RANBP2: variants seen among roughly 807,000 people sequenced by gnomAD.
RANBP2 encodes the protein RAN binding protein 2, also known as E3 SUMO-protein ligase RanBP2.
RANBP2 carries 57 observed loss-of-function variants against 303.6 expected under a neutral mutation model. That is an observed-to-expected ratio of 0.19 (90% CI 0.15 to 0.23). The LOEUF is 0.23. Among genes scored for constraint, RANBP2 ranks in the 10% least tolerant of loss-of-function variants. RANBP2 has a pLI of 1.00. For missense variants in RANBP2, 3,138 were observed against 3,780.8 expected (o/e 0.83, Z 4.46); for synonymous variants, 1,167 against 1,301.5 (o/e 0.90, Z 2.23).
At chr2:109,467,574 A>T in the RANBP2 span, among the ~76,000 whole-genome samples, 1 of 152,190 alleles carries the variant, frequency 6.6e-6, no homozygotes, top group African/African-American at 2.4e-5. Context: ...CTGCAGGGGG[A>T]TCTGCTAAGT....
At chr2:109,615,717 G>A in the RANBP2 span, 1 of 1,613,688 alleles carries the variant, frequency 6.2e-7, no homozygotes, top group Non-Finnish European at 8.5e-7. Context: ...GGGTAGCGGC[G>A]GCGGGCGCTG....
At chr2:109,129,572 C>A in the RANBP2 span, 1 of 1,487,064 alleles carries the variant, frequency 6.7e-7, no homozygotes, top group Non-Finnish European at 8.9e-7. Context: ...CTGTGCGCAT[C>A]CAAGGCGGCC....
chr2:108,727,127 C>A lies in RANBP2; in HGVS notation c.73-2005C>A, dbSNP rs976931507. ...ACAAAACCGCCATTGTCATCATGGCCCGTTCTCAATGAGCTGTTGAGTACA... is the reference window on the plus strand; with the variant it reads ...ACAAAACCGCCATTGTCATCATGGCACGTTCTCAATGAGCTGTTGAGTACA... On this transcript the variant is annotated intron_variant, in intron 1 of 28. Transcript: ENST00000283195. Among the ~76,000 whole-genome samples the A allele has an allele frequency of 7.9e-5, 12 of 152,160 alleles. No homozygotes were observed. The South Asian group carries it at 8.3e-4, about 10-fold the overall frequency.
At chr2:109,039,294 C>T in the RANBP2 span, among the ~76,000 whole-genome samples, 3 of 152,346 alleles carry the variant, frequency 2.0e-5, no homozygotes, top group East Asian at 1.9e-4. Context: ...AAATCTCTCT[C>T]TTACACACAT....
At chr2:109,566,816 G>A in the RANBP2 span, among the ~76,000 whole-genome samples, 3 of 152,148 alleles carry the variant, frequency 2.0e-5, no homozygotes, top group Admixed American at 1.3e-4. Flanking sequence ...GAGTAGACTG[G>A]TCTGTCTGAA....
the RANBP2 span, among the ~76,000 whole-genome samples, chr2:109,597,460 G>C: frequency 3.3e-5 from 5 of 152,312 alleles, no homozygotes; most frequent in African/African-American, 9.6e-5. Flanking sequence ...AGTAAGACAT[G>C]GTCCTGGACC....
At chr2:109,437,137 A>C in the RANBP2 span, 1 of 1,610,268 alleles carries the variant, frequency 6.2e-7, no homozygotes, top group South Asian at 1.1e-5. Flanking sequence ...CCGGAGCACC[A>C]TTTCAACAGG....
the RANBP2 span, among the ~76,000 whole-genome samples, chr2:109,471,206 CAAAAAAAA>C: frequency 4.7e-4 from 19 of 40,162 alleles, no homozygotes; most frequent in African/African-American, 8.8e-4. Flanking sequence ...GACTCTGTCT[CAAAAAAAA>C]AAAAAAAAAA....
At chr2:109,202,313 T>C in the RANBP2 span, among the ~76,000 whole-genome samples, 24 of 152,098 alleles carry the variant, frequency 1.6e-4, no homozygotes, top group Non-Finnish European at 3.1e-4. Flanking sequence ...AGGGGAGCGA[T>C]GGATAATGAA....
At chr2:108,876,094 TAAG>T in the RANBP2 span, 16 of 1,585,024 alleles carry the variant, frequency 1.0e-5, no homozygotes, top group Non-Finnish European at 1.3e-5. Context: ...ACAGGAGTAA[TAAG>T]AAGCTCTTTG....
At chr2:108,923,718 G>A in the RANBP2 span, among the ~76,000 whole-genome samples, 1 of 152,216 alleles carries the variant, frequency 6.6e-6, no homozygotes, top group African/African-American at 2.4e-5. Flanking sequence ...CTCTCTGGTG[G>A]CTGTGTTTAG....
the RANBP2 span, among the ~76,000 whole-genome samples, chr2:109,022,354 T>TA: frequency 6.6e-6 from 1 of 152,270 alleles, no homozygotes; most frequent in Non-Finnish European, 1.5e-5. Flanking sequence ...GGAGCAGTGT[T>TA]ACTGTCCTCA....
At chr2:109,137,877 C>T in the RANBP2 span, among the ~76,000 whole-genome samples, 1 of 152,252 alleles carries the variant, frequency 6.6e-6, no homozygotes, top group East Asian at 1.9e-4. Flanking sequence ...ACTTGGAGTG[C>T]TCACCCATGT....
chr2:108,898,122 T>C, the RANBP2 span, among the ~76,000 whole-genome samples: 1 of 152,158 alleles, frequency 6.6e-6, no homozygotes, highest in South Asian at 2.1e-4. Flanking sequence ...CAATAATTGC[T>C]CTATTCCAGC....
At chr2:108,825,869 T>C in the RANBP2 span, among the ~76,000 whole-genome samples, 1 of 152,196 alleles carries the variant, frequency 6.6e-6, no homozygotes, top group African/African-American at 2.4e-5. Flanking sequence ...TCAACAGTTG[T>C]TGAGTCCTGC....
chr2:108,920,083 C>G, the RANBP2 span, among the ~76,000 whole-genome samples: 1 of 152,252 alleles, frequency 6.6e-6, no homozygotes, highest in Non-Finnish European at 1.5e-5. Flanking sequence ...TCATCTGAAT[C>G]TCTTTCCCCT....
At chr2:109,615,002 G>A in the RANBP2 span, 2 of 1,543,974 alleles carry the variant, frequency 1.3e-6, no homozygotes, top group South Asian at 1.2e-5. Context: ...CAGCCCCGGG[G>A]CCCAGCGAGG....
the RANBP2 span, chr2:108,846,803 A>T: frequency 1.9e-6 from 3 of 1,612,536 alleles, no homozygotes; most frequent in Non-Finnish European, 2.5e-6. Context: ...TGGTAACTAA[A>T]GGAATTCAGG....
At chr2:108,884,323 G>A in the RANBP2 span, 1 of 152,218 alleles carries the variant, frequency 6.6e-6, no homozygotes, top group East Asian at 1.9e-4. Flanking sequence ...CAGGTAGAGA[G>A]GCACTTTGGA....
Sources: allele counts gnomAD v4.1 joint callset (sites outside exome capture counted in the v4.1 genomes callset), GRCh38; gene constraint gnomAD v4.1.1; transcripts MANE v1.5; gene names NCBI Gene and HGNC (gene_info 2026-07-23, HGNC 2026-07-21).